Variants in NELL1 observed in about 807,000 individuals in gnomAD.
The protein encoded by NELL1 is neural EGFL like 1.
Under a neutral mutation model 107.4 loss-of-function variants are expected in NELL1, and 76 were observed. That is an observed-to-expected ratio of 0.71 (90% CI 0.59 to 0.86). The LOEUF (loss-of-function observed/expected upper bound fraction) is 0.86, where lower values mean the gene tolerates loss of function less well. Among genes scored for constraint, NELL1 ranks in the 40% least tolerant of loss-of-function variants. The probability of loss-of-function intolerance (pLI) is 0.00; values close to 1 mark genes in which losing one functional copy is unlikely to be tolerated. For missense variants in NELL1, 1,024 were observed against 1,005.5 expected, an observed-to-expected ratio of 1.02 and a Z score of -0.25; for synonymous variants, 353 against 341.2, an observed-to-expected ratio of 1.03 and a Z score of -0.38.
intron 2 of NELL1, among the ~76,000 whole-genome samples, chr11:20,718,076 T>C (rs1325450551): frequency 1.3e-5 from 2 of 152,234 alleles, no homozygotes; most frequent in African/African-American, 4.8e-5. Flanking sequence ...ACCATTAAAT[T>C]TCATTACTAT....
intron 10 of NELL1, among the ~76,000 whole-genome samples, chr11:20,940,489 T>G (rs1850827607): frequency 6.6e-6 from 1 of 152,064 alleles, no homozygotes; most frequent in South Asian, 2.1e-4. Flanking sequence ...AATCTCATGA[T>G]CCACCTGCCT....
chr11:20,704,216 C>A (rs1460530475), intron 2 of NELL1, among the ~76,000 whole-genome samples: 5 of 152,110 alleles, frequency 3.3e-5, no homozygotes, highest in African/African-American at 9.7e-5. Flanking sequence ...TATTTAGGAT[C>A]ATTAGCTCTT....
chr11:20,873,856 C>T (rs932753908), intron 4 of NELL1, among the ~76,000 whole-genome samples: 6 of 152,012 alleles, frequency 3.9e-5, no homozygotes, highest in Non-Finnish European at 4.4e-5. Flanking sequence ...CTCGACCCCC[C>T]AGGCTCAAGG....
intron 13 of NELL1, among the ~76,000 whole-genome samples, chr11:21,208,777 G>A (rs1343758654): frequency 6.6e-6 from 1 of 152,070 alleles, no homozygotes; most frequent in Non-Finnish European, 1.5e-5. Flanking sequence ...AGCTGAAGTA[G>A]TTATAGCCCG....
chr11:20,784,038 G>A (rs1159124640), intron 3 of NELL1, among the ~76,000 whole-genome samples: 2 of 152,214 alleles, frequency 1.3e-5, no homozygotes, highest in African/African-American at 2.4e-5. Flanking sequence ...CCAATCATGA[G>A]TATCTTTCTC....
chr11:20,715,878 T>A (rs1320742069), intron 2 of NELL1, among the ~76,000 whole-genome samples: 1 of 152,202 alleles, frequency 6.6e-6, no homozygotes, highest in Non-Finnish European at 1.5e-5. Context: ...ATATTTGACA[T>A]GGGCTTTCTT....
chr11:20,919,592 C>T (rs1273746495), intron 7 of NELL1, among the ~76,000 whole-genome samples: 1 of 151,932 alleles, frequency 6.6e-6, no homozygotes, highest in African/African-American at 2.4e-5. Flanking sequence ...CTGTAGATTC[C>T]ATGGGAGTGG....
At chr11:21,378,963 C>T (rs1189023388) in intron 15 of NELL1, among the ~76,000 whole-genome samples, 1 of 151,934 alleles carries the variant, frequency 6.6e-6, no homozygotes, top group Non-Finnish European at 1.5e-5. Flanking sequence ...TGAGATCCAC[C>T]TGCCTCAGCC....
intron 12 of NELL1, among the ~76,000 whole-genome samples, chr11:21,023,875 C>T (rs1210616371): frequency 6.6e-6 from 1 of 151,960 alleles, no homozygotes; most frequent in Non-Finnish European, 1.5e-5. Context: ...TTTCAGTGTA[C>T]CATATTTTAC....
chr11:21,278,327 T>C (rs1375973107), intron 14 of NELL1, among the ~76,000 whole-genome samples: 16 of 152,142 alleles, frequency 1.1e-4, no homozygotes, highest in Admixed American at 1.0e-3. Context: ...GTGTAGTTAC[T>C]GGAAAGAAAG....
intron 15 of NELL1, among the ~76,000 whole-genome samples, chr11:21,455,987 C>G (rs34587165): frequency 6.6e-6 from 1 of 151,404 alleles, no homozygotes; most frequent in Non-Finnish European, 1.5e-5. Context: ...CTCCCAGGTC[C>G]AGCATTTCTC....
At chr11:20,887,471 T>C (rs1292969040) in intron 5 of NELL1, among the ~76,000 whole-genome samples, 1 of 152,212 alleles carries the variant, frequency 6.6e-6, no homozygotes, top group Non-Finnish European at 1.5e-5. Flanking sequence ...CAGCAATCTA[T>C]GAAAATTTCA....
At chr11:20,986,946 A>C (rs973365688) in intron 12 of NELL1, among the ~76,000 whole-genome samples, 2 of 152,192 alleles carry the variant, frequency 1.3e-5, no homozygotes, top group African/African-American at 4.8e-5. Context: ...AACAGTCATA[A>C]TATTTGTTAT....
intron 14 of NELL1, among the ~76,000 whole-genome samples, chr11:21,240,950 ACAAG>A (rs1232843505): frequency 1.3e-5 from 2 of 152,138 alleles, no homozygotes; most frequent in East Asian, 3.9e-4. Flanking sequence ...TGACACTTAG[ACAAG>A]TGCTGATTCT....
At chr11:21,419,767 A>G (rs542962129) in intron 15 of NELL1, among the ~76,000 whole-genome samples, 4 of 152,326 alleles carry the variant, frequency 2.6e-5, no homozygotes, top group South Asian at 4.1e-4. Context: ...GATATCAAGT[A>G]TATAAATTTG....
At chr11:21,508,964 G>T (rs1266654862) in intron 15 of NELL1, among the ~76,000 whole-genome samples, 2 of 152,058 alleles carry the variant, frequency 1.3e-5, no homozygotes, top group Non-Finnish European at 2.9e-5. Flanking sequence ...AAAGAAAACT[G>T]CTGCCTTCCA....
At chr11:20,852,003 T>G (rs1240400578) in intron 4 of NELL1, among the ~76,000 whole-genome samples, 2 of 152,226 alleles carry the variant, frequency 1.3e-5, no homozygotes, top group Admixed American at 6.5e-5. Flanking sequence ...GCTGAGCTCC[T>G]CAGCAGCTAA....
chr11:21,258,579 A>G (rs1312173593), intron 14 of NELL1, among the ~76,000 whole-genome samples: 1 of 151,928 alleles, frequency 6.6e-6, no homozygotes, highest in Admixed American at 6.6e-5. Flanking sequence ...TAGGAAGGTT[A>G]GCTTTTTGCC....
intron 14 of NELL1, among the ~76,000 whole-genome samples, chr11:21,247,404 A>G (rs1858521722): frequency 6.6e-6 from 1 of 152,304 alleles, no homozygotes; most frequent in African/African-American, 2.4e-5. Flanking sequence ...GCCTTATTCT[A>G]TAAGCTTTTG....
Sources: gnomAD v4.1 joint callset for allele counts (sites outside exome capture counted in the v4.1 genomes callset) on GRCh38, gnomAD v4.1.1 for gene constraint, MANE v1.5 for transcripts, NCBI Gene and HGNC (gene_info 2026-07-23, HGNC 2026-07-21) for gene names.